TRIM34: variants seen among roughly 807,000 people sequenced by gnomAD.
TRIM34 encodes tripartite motif containing 34, also known as E3 ubiquitin-protein ligase TRIM34.
TRIM34 carries 41 observed loss-of-function variants against 38.1 expected under a neutral mutation model. The ratio of observed to expected loss-of-function variants is 1.08; its 90% confidence interval spans 0.84 to 1.40. The LOEUF is 1.40. Among genes scored for constraint, TRIM34 ranks in the 40% most tolerant of loss-of-function variants. The pLI, the probability that TRIM34 is intolerant of heterozygous loss-of-function variation, is 0.00. For missense variants in TRIM34, 556 were observed against 571.4 expected, an observed-to-expected ratio of 0.97 and a Z score of 0.27; for synonymous variants, 200 against 202.5, an observed-to-expected ratio of 0.99 and a Z score of 0.10.
At chr11:5,627,244 G>C (rs1409493883) in intron 1 of TRIM34, among the ~76,000 whole-genome samples, 1 of 152,034 alleles carries the variant, frequency 6.6e-6, no homozygotes, top group Non-Finnish European at 1.5e-5. Context: ...GCTGGGCGTT[G>C]TGGCAGGCAC....
intron 4 of TRIM34, 64 bp downstream of exon 4, chr11:5,634,925 C>A: frequency 6.5e-7 from 1 of 1,545,922 alleles, no homozygotes; most frequent in Non-Finnish European, 8.7e-7. Flanking sequence ...CTTGCGTTCT[C>A]ATCCTGGTGG....
rs1010821146 is a variant in TRIM34, at chr11:5,633,829, G to A, written c.449G>A (p.Arg150Lys). ...CQEKLQAVLKRLKKEEEEAEK... is the reference protein window; with the variant it reads ...CQEKLQAVLKKLKKEEEEAEK... Reference sequence around the variant, plus strand: ...GAGAAACTCCAGGCAGTCCTCAAGAGGCTGAAGAAGGAAGAGGAGGAAGCT... The same window carrying A: ...GAGAAACTCCAGGCAGTCCTCAAGAAGCTGAAGAAGGAAGAGGAGGAAGCT... The change falls in exon 3 of 8, where the codon AGG becomes AAG. Residue 150 changes from arginine (R) to lysine (K), a missense_variant. Transcript: ENST00000429814. 5.6e-6 allele frequency: 9 copies of A among 1,614,036 alleles called. No homozygotes were observed. Among genetic ancestry groups the A allele is most frequent in the African/African-American group, 1.3e-5 (1 of 75,048 alleles).
chr11:5,625,499 G>A (rs764180203), intron 1 of TRIM34, among the ~76,000 whole-genome samples: 1 of 152,094 alleles, frequency 6.6e-6, no homozygotes, highest in East Asian at 1.9e-4. Flanking sequence ...TGTGTGCAGG[G>A]CTTAGCTCCT....
chr11:5,636,880 C>T (rs1849756524), intron 4 of TRIM34, among the ~76,000 whole-genome samples: 1 of 152,202 alleles, frequency 6.6e-6, no homozygotes. Context: ...GGCGCGGTGG[C>T]TCACGCCTGT....
chr11:5,627,848 C>T (rs1206449510), intron 1 of TRIM34, among the ~76,000 whole-genome samples: 1 of 152,206 alleles, frequency 6.6e-6, no homozygotes, highest in African/African-American at 2.4e-5. Context: ...AAAAGACATC[C>T]TCCCCTAAAA....
chr11:5,640,870 T>C (rs1590185676), intron 4 of TRIM34, among the ~76,000 whole-genome samples: 1 of 152,330 alleles, frequency 6.6e-6, no homozygotes, highest in East Asian at 1.9e-4. Flanking sequence ...TTAATGTGTA[T>C]TGATAGTTTC....
At chr11:5,623,850 A>G (rs1410282453), upstream of TRIM34, among the ~76,000 whole-genome samples, 1 of 152,190 alleles carries the variant, frequency 6.6e-6, no homozygotes, top group East Asian at 1.9e-4. Context: ...ATCACCATGC[A>G]TGAGTCAGAT....
chr11:5,632,539 G>T lies in TRIM34; in HGVS notation c.208G>T (p.Ala70Ser). 1 of 1,613,906 alleles carries T rather than the reference G, an allele frequency of 6.2e-7. No individual in the cohort carries two copies. Among genetic ancestry groups the T allele is most frequent in the Non-Finnish European group, 8.5e-7 (1 of 1,180,014 alleles). The change falls in exon 2 of 8, where the codon GCT becomes TCT. Residue 70 changes from alanine (A) to serine (S), a missense_variant. Ala to Ser is a moderately conservative substitution (Grantham distance 99, BLOSUM62 1). Coordinates refer to ENST00000429814, the MANE Select transcript of TRIM34 (RefSeq NM_021616.6). ...GISYSFEHLQ[A>S]NQHLANIVER... ...CAGTTACTCATTTGAACATCTACAG[G>T]CTAATCAGCATCTGGCCAACATAGT...
chr11:5,628,089 G>C (rs898589215), intron 1 of TRIM34, among the ~76,000 whole-genome samples: 3 of 152,206 alleles, frequency 2.0e-5, no homozygotes, highest in African/African-American at 7.2e-5. Flanking sequence ...ACACTGGGAA[G>C]TGGTGGGGTC....
Position 5,643,483 on chromosome 11 carries a change from CTT to C in TRIM34, c.1243_1244del (p.Leu415ValfsTer3). The C allele has an allele frequency of 6.2e-7, 1 of 1,614,166 alleles. No homozygotes were observed. The highest frequency in any genetic ancestry group is 8.5e-7 in the Non-Finnish European group (1 of 1,180,032). ...TGTAAGTATGGTGTCTTTGAAGAGT[CTT>C]TGTCCTCTGATCCCGAGGTTTTGAC... On this transcript the variant is annotated frameshift_variant, in exon 8 of 8. Coordinates refer to ENST00000429814, the MANE Select transcript of TRIM34 (RefSeq NM_021616.6). LOFTEE classifies it low-confidence loss of function (END_TRUNC).
At chr11:5,639,584 G>A (rs1010877905) in intron 4 of TRIM34, among the ~76,000 whole-genome samples, 1 of 145,668 alleles carries the variant, frequency 6.9e-6, no homozygotes, top group Non-Finnish European at 1.5e-5. Context: ...GGAGGCTGAG[G>A]CAGAAGAATC....
chr11:5,635,243 G>A (rs1008821771), intron 4 of TRIM34, among the ~76,000 whole-genome samples: 12 of 147,502 alleles, frequency 8.1e-5, no homozygotes, highest in Middle Eastern at 3.4e-3. Context: ...TTATGCAAAT[G>A]TTCCCTGTTA....
upstream of TRIM34, among the ~76,000 whole-genome samples, chr11:5,624,530 C>T (rs1849118220): frequency 6.6e-6 from 1 of 152,134 alleles, no homozygotes; most frequent in Non-Finnish European, 1.5e-5. Context: ...CATGTGCAAC[C>T]ATGAAAGTGG....
At chr11:5,620,480 A>T (rs11038373), upstream of TRIM34, among the ~76,000 whole-genome samples, 1 of 151,456 alleles carries the variant, frequency 6.6e-6, no homozygotes, top group Non-Finnish European at 1.5e-5. Context: ...GGATTACAGG[A>T]GTGAGCCACT....
At chr11:5,636,526 T>C (rs559703949) in intron 4 of TRIM34, among the ~76,000 whole-genome samples, 1 of 152,332 alleles carries the variant, frequency 6.6e-6, no homozygotes, top group South Asian at 2.1e-4. Context: ...TTGAACTACA[T>C]CTCAGTAAAA....
chr11:5,632,603 G>A lies in TRIM34; in HGVS notation c.272G>A (p.Gly91Glu), dbSNP rs144542806. The A allele has an allele frequency of 6.2e-7, 1 of 1,613,472 alleles. No homozygotes were observed. The highest frequency in any genetic ancestry group is 8.5e-7 in the Non-Finnish European group (1 of 1,179,886). ...GAGGTCAAGTTGAGCCCAGACAATGGGAAGAAGAGAGATCTCTGTGATCAT... is the reference window on the plus strand; with the variant it reads ...GAGGTCAAGTTGAGCCCAGACAATGAGAAGAAGAGAGATCTCTGTGATCAT... Reference protein sequence around the residue: ...LKEVKLSPDNGKKRDLCDHHG... With the variant: ...LKEVKLSPDNEKKRDLCDHHG... The change falls in exon 2 of 8, where the codon GGG becomes GAG. Residue 91 changes from glycine (G) to glutamate (E), a missense_variant. Physicochemically the swap from Gly to Glu is moderately conservative, Grantham distance 98 (BLOSUM62 -2). Coordinates refer to ENST00000429814, the MANE Select transcript of TRIM34 (RefSeq NM_021616.6).
intron 1 of TRIM34, among the ~76,000 whole-genome samples, chr11:5,631,346 A>C (rs1190111733): frequency 2.6e-5 from 4 of 152,222 alleles, no homozygotes; most frequent in African/African-American, 9.6e-5. Context: ...TAAGTGGAGT[A>C]GCATGGAGAC....
chr11:5,629,695 G>T (rs1221378262), intron 1 of TRIM34, among the ~76,000 whole-genome samples: 5 of 152,106 alleles, frequency 3.3e-5, no homozygotes, highest in Admixed American at 6.5e-5. Flanking sequence ...TGAGCTCTCC[G>T]TGAGGATTCT....
chr11:5,641,862 T>C (rs1207636932), intron 5 of TRIM34, among the ~76,000 whole-genome samples: 3 of 152,190 alleles, frequency 2.0e-5, no homozygotes, highest in African/African-American at 7.2e-5. Context: ...ACTTCTCCTT[T>C]GCCGAGTGTT....
Sources: allele counts gnomAD v4.1 joint callset (sites outside exome capture counted in the v4.1 genomes callset), GRCh38; gene constraint gnomAD v4.1.1; transcripts MANE v1.5; gene names NCBI Gene and HGNC (gene_info 2026-07-23, HGNC 2026-07-21).